Variants in CFAP20DC observed in about 807,000 individuals in gnomAD.
CFAP20DC encodes CFAP20 domain containing.
In CFAP20DC, 84 loss-of-function variants were observed where a neutral mutation model predicts 101.7. That is an observed-to-expected ratio of 0.83 (90% CI 0.69 to 0.99). The LOEUF is 0.99. Ranked by LOEUF, CFAP20DC falls within the 50% of genes least tolerant of loss-of-function variation. The pLI is 0.00. For synonymous variants in CFAP20DC, 359 were observed against 351.2 expected, an observed-to-expected ratio of 1.02 and a Z score of -0.25; for missense variants, 1,007 against 970.3, an observed-to-expected ratio of 1.04 and a Z score of -0.50.
chr3:58,801,552 T>C (rs1229218709), intron 15 of CFAP20DC, among the ~76,000 whole-genome samples: 1 of 152,154 alleles, frequency 6.6e-6, no homozygotes, highest in Non-Finnish European at 1.5e-5. Context: ...TTTCTCTCTT[T>C]TGTGATGGGA....
rs2067904931 is a variant in CFAP20DC, at chr3:58,742,045, C to T, written c.*415G>A. ...TCATACTTTATTTTTAATACAAATG[C>T]CATAAAATAAAAGGTACCCAGGCAT... is the stretch of plus-strand genomic sequence containing the variant. On this transcript the variant is annotated 3_prime_UTR_variant, in exon 17 of 17. Coordinates refer to ENST00000482387, the MANE Select transcript of CFAP20DC (RefSeq NM_001394063.1). The T allele has an allele frequency of 1.0e-6, 1 of 961,662 alleles. No homozygotes were observed. Among genetic ancestry groups the T allele is most frequent in the Non-Finnish European group, 1.2e-6 (1 of 807,948 alleles). The allele number at this position is 961,662 out of a possible 1,614,324, so 59.6% of individuals were successfully genotyped here. A position where few individuals can be genotyped will look rare whatever the true frequency, so the allele number is the denominator to read the frequency against.
At chr3:58,936,044 C>T (rs1251265238) in intron 5 of CFAP20DC, among the ~76,000 whole-genome samples, 2 of 151,998 alleles carry the variant, frequency 1.3e-5, no homozygotes, top group African/African-American at 2.4e-5. Flanking sequence ...GGCTAATATC[C>T]AGAATCTACA....
At position 58,956,668 on chromosome 3, in the gene CFAP20DC, T is replaced by C. The variant is rs992556192; in HGVS notation, c.279-18906A>G. Among the ~76,000 whole-genome samples, 6 of 152,256 alleles carry C rather than the reference T, an allele frequency of 3.9e-5. 1 individual carries two copies. The highest frequency in any genetic ancestry group is 4.1e-4 in the South Asian group (2 of 4,824). ...AAGCTTCTGCACAGCAAAGGAAATATATTAGTCCATTCTCACACTGCTAAT... is the reference window on the plus strand; with the variant it reads ...AAGCTTCTGCACAGCAAAGGAAATACATTAGTCCATTCTCACACTGCTAAT... On this transcript the variant is annotated intron_variant, in intron 4 of 16. Transcript: ENST00000482387.
intron 13 of CFAP20DC, among the ~76,000 whole-genome samples, chr3:58,845,197 C>T (rs764383224): frequency 0.061 from 9,170 of 150,210 alleles, 493 homozygotes; most frequent in African/African-American, 0.16. Flanking sequence ...ACACAAAAAA[C>T]CCTTCAAAAA....
chr3:58,853,339 T>C (rs2108354005), intron 12 of CFAP20DC, among the ~76,000 whole-genome samples: 1 of 152,232 alleles, frequency 6.6e-6, no homozygotes, highest in African/African-American at 2.4e-5. Context: ...GTGGCAATAA[T>C]CAATAGCTTA....
intron 5 of CFAP20DC, among the ~76,000 whole-genome samples, chr3:58,925,743 GAA>G (rs1294332057): frequency 9.2e-5 from 14 of 152,150 alleles, no homozygotes; most frequent in African/African-American, 3.4e-4. Context: ...AACTGTTGAG[GAA>G]ACTAAATCAG....
chr3:58,811,672 A>G (rs899564480), intron 14 of CFAP20DC, among the ~76,000 whole-genome samples: 3 of 152,188 alleles, frequency 2.0e-5, no homozygotes, highest in Admixed American at 6.6e-5. Flanking sequence ...AAAACACCAA[A>G]GTCAATGGCA....
chr3:58,982,641 G>A (rs913395991), intron 4 of CFAP20DC, among the ~76,000 whole-genome samples: 8 of 146,222 alleles, frequency 5.5e-5, no homozygotes, highest in Non-Finnish European at 1.2e-4. Flanking sequence ...CTCACTCATA[G>A]GCGGGAATTG....
intron 5 of CFAP20DC, among the ~76,000 whole-genome samples, chr3:58,929,830 CA>C (rs2086391476): frequency 6.6e-6 from 1 of 152,118 alleles, no homozygotes; most frequent in African/African-American, 2.4e-5. Flanking sequence ...CCTGATATAC[CA>C]GAACTTCTTA....
chr3:58,801,490 C>A (rs2073698301), intron 15 of CFAP20DC, among the ~76,000 whole-genome samples: 1 of 152,142 alleles, frequency 6.6e-6, no homozygotes, highest in East Asian at 1.9e-4. Context: ...GAAACTTAAT[C>A]ATTTGAAGAG....
intron 14 of CFAP20DC, among the ~76,000 whole-genome samples, chr3:58,816,084 A>G (rs1417072744): frequency 8.6e-5 from 13 of 151,850 alleles, no homozygotes; most frequent in Non-Finnish European, 1.6e-4. Context: ...GGCATTATTC[A>G]CAATAGCAAA....
intron 4 of CFAP20DC, among the ~76,000 whole-genome samples, chr3:59,005,321 C>A (rs536805064): frequency 6.6e-6 from 1 of 152,140 alleles, no homozygotes. Context: ...AGCCTATTTG[C>A]CTAGCCAGGC....
chr3:59,042,245 A>C (rs1381067244), intron 3 of CFAP20DC, among the ~76,000 whole-genome samples: 1 of 152,178 alleles, frequency 6.6e-6, no homozygotes, highest in East Asian at 1.9e-4. Context: ...AAACCTAAAA[A>C]GGGCTTAATG....
intron 4 of CFAP20DC, chr3:58,953,947 G>C (rs1190712173): frequency 6.6e-6 from 1 of 152,124 alleles, no homozygotes; most frequent in African/African-American, 2.4e-5. Context: ...TCACAGCTAA[G>C]GGTCAGCAAT....
intron 15 of CFAP20DC, among the ~76,000 whole-genome samples, chr3:58,791,450 C>A (rs1373077728): frequency 1.3e-5 from 2 of 152,058 alleles, no homozygotes; most frequent in African/African-American, 4.8e-5. Context: ...ATTCTAGAGA[C>A]AGTTTTTTAA....
At chr3:58,773,647 G>C (rs778312333) in intron 15 of CFAP20DC, among the ~76,000 whole-genome samples, 2 of 152,132 alleles carry the variant, frequency 1.3e-5, no homozygotes, top group African/African-American at 2.4e-5. Flanking sequence ...CCTGGAAATT[G>C]TCAAGTTTTC....
intron 10 of CFAP20DC, among the ~76,000 whole-genome samples, chr3:58,867,262 T>A (rs773764538): frequency 1.3e-5 from 2 of 152,210 alleles, no homozygotes; most frequent in Admixed American, 6.5e-5. Context: ...GACTGATATA[T>A]GTGTATACTA....
downstream of CFAP20DC, among the ~76,000 whole-genome samples, chr3:58,740,068 G>A (rs1160520107): frequency 6.6e-6 from 1 of 152,164 alleles, no homozygotes; most frequent in Non-Finnish European, 1.5e-5. This position sits in a 1 kb window ranked among gnomAD's most constrained non-coding sequence, Gnocchi z 4.6. Flanking sequence ...AATTGACATT[G>A]GGAGTTAACA....
intron 15 of CFAP20DC, among the ~76,000 whole-genome samples, chr3:58,768,742 T>TC (rs1280321538): frequency 1.3e-5 from 2 of 152,190 alleles, no homozygotes; most frequent in Non-Finnish European, 2.9e-5. Flanking sequence ...TCCCTTACAG[T>TC]CACCACCACA....
Sources: allele counts gnomAD v4.1 joint callset (sites outside exome capture counted in the v4.1 genomes callset), GRCh38; gene constraint gnomAD v4.1.1; non-coding constraint Gnocchi (gnomAD v3.1); transcripts MANE v1.5; gene names NCBI Gene and HGNC (gene_info 2026-07-23, HGNC 2026-07-21).